Variants in ZNF469 observed in about 807,000 individuals in gnomAD.
The protein encoded by ZNF469 is zinc finger protein 469.
ZNF469 carries 1 observed loss-of-function variant against 1.0 expected under a neutral mutation model. That is an observed-to-expected ratio of 1.00 (90% CI 0.35 to 4.73). ZNF469 has a LOEUF of 4.73. Among genes scored for constraint, ZNF469 ranks in the 30% most tolerant of loss-of-function variants. ZNF469 has a pLI of 0.16. For missense variants in ZNF469, 6,100 were observed against 5,356.3 expected (o/e 1.14, Z -4.33); for synonymous variants, 2,703 against 2,363.4 (o/e 1.14, Z -4.17).
chr16:88,272,819 T>G, the ZNF469 span, among the ~76,000 whole-genome samples: 1 of 149,458 alleles, frequency 6.7e-6, no homozygotes, highest in African/African-American at 2.5e-5. Context: ...AGTGGGCAGA[T>G]GGATGAACAG....
chr16:88,298,345 C>G, the ZNF469 span, among the ~76,000 whole-genome samples: 1 of 152,170 alleles, frequency 6.6e-6, no homozygotes, highest in Admixed American at 6.5e-5. Flanking sequence ...AGGAGCTGTG[C>G]ACAAGGGAGT....
At chr16:88,407,326 C>T (rs1477953728) in intron 1 of ZNF469, among the ~76,000 whole-genome samples, 1 of 152,236 alleles carries the variant, frequency 6.6e-6, no homozygotes, top group Non-Finnish European at 1.5e-5. Context: ...GAGCTGGGAG[C>T]CGGCATCATG....
chr16:88,300,044 A>G, the ZNF469 span, among the ~76,000 whole-genome samples: 97 of 152,290 alleles, frequency 6.4e-4, no homozygotes, highest in East Asian at 0.018. Flanking sequence ...GCATTTGCGG[A>G]TGAGGAAGGA....
chr16:88,376,556 T>C, the ZNF469 span, among the ~76,000 whole-genome samples: 9 of 152,230 alleles, frequency 5.9e-5, no homozygotes, highest in Admixed American at 5.9e-4. Flanking sequence ...AGCCGCTGGC[T>C]GGGGTTCCCG....
At chr16:88,107,079 G>A in the ZNF469 span, among the ~76,000 whole-genome samples, 2 of 152,276 alleles carry the variant, frequency 1.3e-5, no homozygotes, top group East Asian at 1.9e-4. Context: ...TGCGTGCCTC[G>A]GCTCTCTCAG....
rs528560466 is a variant in ZNF469 at position 88,432,079 on chromosome 16, G to A, written c.4609G>A (p.Gly1537Ser). Reference protein sequence around the residue: ...TCPPERTVVPGAAPSLPGKGS... With the variant: ...TCPPERTVVPSAAPSLPGKGS... Reference sequence around the variant, plus strand: ...TCCCCCTGAACGGACAGTGGTTCCCGGCGCCGCCCCATCTTTGCCTGGGAA... The same window carrying A: ...TCCCCCTGAACGGACAGTGGTTCCCAGCGCCGCCCCATCTTTGCCTGGGAA... The change falls in exon 3 of 3, where the codon GGC becomes AGC. Residue 1537 changes from glycine (G) to serine (S), a missense_variant. Physicochemically the swap from Gly to Ser is moderately conservative, Grantham distance 56. Coordinates refer to ENST00000565624, the MANE Select transcript of ZNF469 (RefSeq NM_001367624.2). 5.5e-5 allele frequency: 86 copies of A among 1,550,512 alleles called. No homozygotes were observed. The highest frequency in any genetic ancestry group is 6.8e-5 in the African/African-American group (5 of 73,156).
the ZNF469 span, among the ~76,000 whole-genome samples, chr16:88,158,961 C>T: frequency 1.3e-5 from 2 of 152,184 alleles, no homozygotes; most frequent in East Asian, 1.9e-4. Context: ...TCCCCAGGTG[C>T]ACACGTGCTG....
rs1567515695 is a variant in ZNF469, at chr16:88,436,230, C to G, written c.8760C>G (p.Leu2920=). The G allele has an allele frequency of 6.5e-7, 1 of 1,549,378 alleles. No homozygotes were observed. Among genetic ancestry groups the G allele is most frequent in the East Asian group, 2.4e-5 (1 of 40,914 alleles). The part of the protein sequence containing the change: ...TDLSDSSSLC[L]CHEDPWEDED... ...TCAGCGACTCCAGCTCCCTCTGCCT[C>G]TGCCATGAGGACCCGTGGGAGGACG... is the stretch of plus-strand genomic sequence containing the variant. The change falls in exon 3 of 3, where the codon CTC becomes CTG. Residue 2920 remains leucine, a synonymous_variant. Transcript: ENST00000565624.
chr16:88,143,647 T>C, the ZNF469 span, among the ~76,000 whole-genome samples: 15 of 152,372 alleles, frequency 9.8e-5, no homozygotes, highest in African/African-American at 3.6e-4. Context: ...AAATGCTGCC[T>C]TTGTGTCTGA....
the ZNF469 span, chr16:88,294,920 A>T: frequency 6.2e-6 from 1 of 161,724 alleles, no homozygotes; most frequent in Non-Finnish European, 1.4e-5. Flanking sequence ...TCCATGGCAC[A>T]ATGACTAGCA....
Position 88,427,424 on chromosome 16 carries a change from G to A in ZNF469, c.-47G>A. On this transcript the variant is annotated 5_prime_UTR_variant, in exon 3 of 3. Transcript: ENST00000565624. ...ATGGCCGTCCAGCCCACTCCCCAGG[G>A]CCCCCCTCGGACAGCTGCGTCGTCC... 6.9e-7 allele frequency: 1 copy of A among 1,443,128 alleles called. No homozygotes were observed. The highest frequency in any genetic ancestry group is 1.4e-5 in the South Asian group (1 of 69,430). The allele number at this position is 1,443,128 out of a possible 1,614,324, so 89.4% of individuals were successfully genotyped here. A position where few individuals can be genotyped will look rare whatever the true frequency, so the allele number is the denominator to read the frequency against.
rs1906036371 is a variant in ZNF469, at chr16:88,430,166, C to A, written c.2696C>A (p.Pro899His). ...AGVTPESKAPPPLPAATPDPQ... is the reference protein window; with the variant it reads ...AGVTPESKAPHPLPAATPDPQ... ...GTGACTCCAGAGAGCAAAGCTCCGC[C>A]CCCGCTCCCAGCAGCCACGCCGGAC... The change falls in exon 3 of 3, where the codon CCC becomes CAC. Residue 899 changes from proline to histidine, a missense_variant. Physicochemically the swap from Pro to His is moderately conservative, Grantham distance 77. Transcript: ENST00000565624. The A allele has an allele frequency of 1.3e-6, 2 of 1,549,104 alleles. No homozygotes were observed. The highest frequency in any genetic ancestry group is 4.9e-5 in the East Asian group (2 of 40,898).
At chr16:88,300,256 G>C in the ZNF469 span, among the ~76,000 whole-genome samples, 1 of 152,202 alleles carries the variant, frequency 6.6e-6, no homozygotes, top group East Asian at 1.9e-4. Context: ...GTTCGCAACA[G>C]TCCTGCCCGG....
At chr16:88,152,439 C>T in the ZNF469 span, among the ~76,000 whole-genome samples, 1 of 152,120 alleles carries the variant, frequency 6.6e-6, no homozygotes, top group Non-Finnish European at 1.5e-5. This position sits in a 1 kb window ranked among gnomAD's most constrained non-coding sequence, Gnocchi z 4.2. Context: ...GGGGCCGGGG[C>T]CTCGGCAGCT....
chr16:88,113,862 A>C, the ZNF469 span, among the ~76,000 whole-genome samples: 1 of 152,188 alleles, frequency 6.6e-6, no homozygotes, highest in Non-Finnish European at 1.5e-5. Flanking sequence ...CGTGTGGTCT[A>C]GTGCGTGGAG....
the ZNF469 span, among the ~76,000 whole-genome samples, chr16:88,135,748 G>T: frequency 8.1e-4 from 54 of 66,920 alleles, 2 homozygotes; most frequent in African/African-American, 2.3e-3. Flanking sequence ...AGCTGGCCAT[G>T]TTTTTTTTTT....
Position 88,428,339 on chromosome 16 carries a change from C to A in ZNF469, c.869C>A (p.Ala290Glu), listed in dbSNP as rs117501524. The change falls in exon 3 of 3, where the codon GCG (alanine) becomes GAG (glutamate). Residue 290 changes from alanine to glutamate, a missense_variant. Coordinates refer to ENST00000565624, the MANE Select transcript of ZNF469 (RefSeq NM_001367624.2). ...GGGGCCAGCACAAAACCCTTCCCTG[C>A]GGATGTGGCTGGGCACGCATTCACC... The part of the protein sequence containing the change: ...LHGASTKPFP[A>E]DVAGHAFTNG... 1.3e-6 allele frequency: 2 copies of A among 1,549,658 alleles called. No individual in the cohort carries two copies. The highest frequency in any genetic ancestry group is 1.4e-5 in the African/African-American group (1 of 73,044).
At chr16:88,193,012 A>T in the ZNF469 span, among the ~76,000 whole-genome samples, 399 of 10,232 alleles carry the variant, frequency 0.039, no homozygotes, top group African/African-American at 0.1. Flanking sequence ...GATGGTGGTG[A>T]TGGTGGTGGT....
chr16:88,224,209 C>T, the ZNF469 span, among the ~76,000 whole-genome samples: 1 of 152,188 alleles, frequency 6.6e-6, no homozygotes, highest in African/African-American at 2.4e-5. Flanking sequence ...GAGGAAGACA[C>T]GCGGCCACAC....
Sources: gnomAD v4.1 joint callset for allele counts (sites outside exome capture counted in the v4.1 genomes callset) on GRCh38, gnomAD v4.1.1 for gene constraint, Gnocchi (gnomAD v3.1) non-coding constraint, MANE v1.5 for transcripts, NCBI Gene and HGNC (gene_info 2026-07-23, HGNC 2026-07-21) for gene names.